QRSL1: variants seen among roughly 807,000 people sequenced by gnomAD.
QRSL1 encodes the protein glutamyl-tRNA(Gln) amidotransferase subunit A, mitochondrial.
In QRSL1, 54 loss-of-function variants were observed where a neutral mutation model predicts 61.6. That is an observed-to-expected ratio of 0.88 (90% CI 0.70 to 1.10). The LOEUF is 1.10. QRSL1 is among the 50% of genes least tolerant of loss of function. QRSL1 has a pLI of 0.00. For missense variants in QRSL1, 505 were observed against 622.6 expected, an observed-to-expected ratio of 0.81 and a Z score of 2.01; for synonymous variants, 228 against 225.7, an observed-to-expected ratio of 1.01 and a Z score of -0.09.
rs1554200732 is a variant in QRSL1, at chr6:106,639,116, G to GTTTTTTTTTTTTTTTTTTT, written c.25-1231_25-1230insTTTTTTTTTTTTTTTTTTT. Among the ~76,000 whole-genome samples the GTTTTTTTTTTTTTTTTTTT allele has an allele frequency of 2.2e-4, 12 of 54,362 alleles. 2 individuals are homozygous for GTTTTTTTTTTTTTTTTTTT. Among genetic ancestry groups the GTTTTTTTTTTTTTTTTTTT allele is most frequent in the Admixed American group, 9.5e-4 (5 of 5,266 alleles). The allele number at this position is 54,362 out of a possible 152,430, so 35.7% of individuals were successfully genotyped here. On this transcript the variant is annotated intron_variant, in intron 1 of 10. Transcript: ENST00000369046. ...ACTTGTGTGGTTATTTGTGTGTTTT[G>GTTTTTTTTTTTTTTTTTTT]TTGTTTTTTTTTTTTTTTTTTTTTT...
intron 1 of QRSL1, among the ~76,000 whole-genome samples, chr6:106,630,329 C>G (rs1346726827): frequency 6.6e-6 from 1 of 152,194 alleles, no homozygotes; most frequent in Non-Finnish European, 1.5e-5. Context: ...GGACTTACCT[C>G]TCAACCCCCG....
intron 4 of QRSL1, among the ~76,000 whole-genome samples, chr6:106,646,884 C>T (rs528464109): frequency 1.4e-4 from 22 of 151,780 alleles, no homozygotes; most frequent in South Asian, 4.2e-4. Context: ...AAAAATTAGC[C>T]GGGCGTGGTG....
In QRSL1 at chr6:106,665,840, G is replaced by A. The variant is rs2015205; in HGVS notation, c.1425G>A (p.Leu475=). ...ALSNQGLPIG[L]QFIGRAFCDQ... is the part of the protein sequence containing the mutation. ...CAAACCAAGGGTTGCCAATAGGACTGCAGTTTATTGGACGTGCGTTTTGTG... is the reference window on the plus strand; with the variant it reads ...CAAACCAAGGGTTGCCAATAGGACTACAGTTTATTGGACGTGCGTTTTGTG... Residue 475 remains leucine (L), a synonymous_variant, in exon 11 of 11, where the codon CTG becomes CTA. Coordinates refer to ENST00000369046, the MANE Select transcript of QRSL1 (RefSeq NM_018292.5). 773,821 of 1,613,450 alleles carry A rather than the reference G, an allele frequency of 0.48. 191,404 individuals are homozygous for A. The highest frequency in any genetic ancestry group is 0.52 in the Non-Finnish European group (608,863 of 1,179,662).
intron 1 of QRSL1, among the ~76,000 whole-genome samples, chr6:106,635,337 G>T (rs144322629): frequency 3.9e-4 from 60 of 152,330 alleles, no homozygotes; most frequent in African/African-American, 1.4e-3. Context: ...AGTGTTTCAA[G>T]GAGGGAGTGG....
chr6:106,655,815 T>C, intron 9 of QRSL1, 83 bp downstream of exon 9: 1 of 860,614 alleles, frequency 1.2e-6, no homozygotes. Context: ...AGTCAAGGTA[T>C]TTAGTAAAGA....
chr6:106,640,541 A>G (rs761436221), intron 2 of QRSL1, 33 bp downstream of exon 2: 42 of 1,478,554 alleles, frequency 2.8e-5, no homozygotes, highest in Non-Finnish European at 3.6e-5. Context: ...TAATTGTTAT[A>G]TCTCCAGAGA....
At chr6:106,661,018 A>G (rs990192145) in intron 9 of QRSL1, among the ~76,000 whole-genome samples, 1 of 152,174 alleles carries the variant, frequency 6.6e-6, no homozygotes, top group Non-Finnish European at 1.5e-5. Flanking sequence ...GGTAAATCCC[A>G]TCTCCATTAC....
chr6:106,640,817 A>T lies in QRSL1; in HGVS notation c.185-6A>T. ...CCTTTATCACTCTTTTGGCTTTTTA[A>T]TGCAGGACAGTCACTTGGGGATTTA... is the stretch of plus-strand genomic sequence containing the variant. On this transcript the variant is annotated splice_polypyrimidine_tract_variant and splice_region_variant and intron_variant, in intron 2 of 10. Coordinates refer to ENST00000369046, the MANE Select transcript of QRSL1 (RefSeq NM_018292.5). The T allele has an allele frequency of 1.2e-6, 2 of 1,611,560 alleles. No homozygotes were observed. Among genetic ancestry groups the T allele is most frequent in the East Asian group, 4.5e-5 (2 of 44,776 alleles).
At chr6:106,649,255 A>G (rs545722502) in intron 5 of QRSL1, 54 bp downstream of exon 5, 4 of 1,562,222 alleles carry the variant, frequency 2.6e-6, no homozygotes, top group African/African-American at 2.7e-5. Flanking sequence ...ACAAACAGTC[A>G]TAAACTGTAT....
rs745712186 is a variant in QRSL1 at position 106,652,247 on chromosome 6, C to A, written c.596C>A (p.Pro199His). The A allele has an allele frequency of 1.1e-5, 17 of 1,613,992 alleles. No individual in the cohort carries two copies. In the Admixed American group the frequency reaches 1.8e-4, roughly 17 times the overall value. ...GSDTGGSTRN[P>H]AAHCGLVGFK... is the part of the protein sequence containing the mutation. Reference sequence around the variant, plus strand: ...GATACAGGAGGATCGACCAGAAATCCTGCTGCCCACTGTGGGCTTGTTGGT... The same window carrying A: ...GATACAGGAGGATCGACCAGAAATCATGCTGCCCACTGTGGGCTTGTTGGT... Residue 199 changes from proline (P) to histidine (H), a missense_variant, in exon 6 of 11, where the codon CCT becomes CAT. Transcript: ENST00000369046.
intron 1 of QRSL1, among the ~76,000 whole-genome samples, chr6:106,632,321 A>G (rs1040398814): frequency 1.3e-5 from 2 of 152,180 alleles, no homozygotes; most frequent in Non-Finnish European, 2.9e-5. Context: ...TTTTAGGTGC[A>G]TATATACGTA....
chr6:106,644,808 C>T (rs765510734), intron 4 of QRSL1, among the ~76,000 whole-genome samples: 2 of 152,130 alleles, frequency 1.3e-5, no homozygotes, highest in Non-Finnish European at 2.9e-5. Context: ...CGTGAGCCAT[C>T]GTGCCTGGCC....
chr6:106,640,748 C>T, intron 2 of QRSL1, 75 bp from the exon 3 acceptor site: 1 of 1,291,930 alleles, frequency 7.7e-7, no homozygotes, highest in Non-Finnish European at 1.1e-6. Flanking sequence ...CTAGTAGTTA[C>T]TGTAATAACA....
chr6:106,647,760 T>C (rs1199048648), intron 4 of QRSL1, among the ~76,000 whole-genome samples: 4 of 144,180 alleles, frequency 2.8e-5, no homozygotes, highest in East Asian at 2.3e-4. Context: ...ACACCATTCT[T>C]CTGCCTCAGC....
chr6:106,655,508 C>T, intron 8 of QRSL1, 107 bp from the exon 9 acceptor site: 1 of 634,338 alleles, frequency 1.6e-6, no homozygotes, highest in South Asian at 1.5e-5. Flanking sequence ...GAGTGAGACT[C>T]CATCTCAAAA....
At chr6:106,653,143 T>A (rs1777213366) in intron 7 of QRSL1, 1 of 165,220 alleles carries the variant, frequency 6.1e-6, no homozygotes, top group South Asian at 1.7e-4. Context: ...ACAGTAGCAA[T>A]TGAGTAATGA....
At chr6:106,633,113 C>T (rs3804339) in intron 1 of QRSL1, among the ~76,000 whole-genome samples, 4,948 of 152,284 alleles carry the variant, frequency 0.032, 271 homozygotes, top group East Asian at 0.19. Flanking sequence ...AGAGCTGACC[C>T]AGGGGAAAAT....
chr6:106,653,089 A>G (rs1777212928), intron 7 of QRSL1: 1 of 203,670 alleles, frequency 4.9e-6, no homozygotes, highest in African/African-American at 2.3e-5. Context: ...GCCTCAAAAA[A>G]TGTTAACATC....
intron 9 of QRSL1, among the ~76,000 whole-genome samples, chr6:106,660,369 T>TAG (rs1777338399): frequency 6.7e-6 from 1 of 148,860 alleles, no homozygotes; most frequent in Non-Finnish European, 1.5e-5. Flanking sequence ...GTTTTTTTTG[T>TAG]AGAGACAGGA....
Sources: gnomAD v4.1 joint callset for allele counts (sites outside exome capture counted in the v4.1 genomes callset) on GRCh38, gnomAD v4.1.1 for gene constraint, MANE v1.5 for transcripts, NCBI Gene and HGNC (gene_info 2026-07-23, HGNC 2026-07-21) for gene names.